Variants in COMMD10 observed in about 807,000 individuals in gnomAD.
COMMD10 encodes COMM domain-containing protein 10.
In COMMD10, 33 loss-of-function variants were observed where a neutral mutation model predicts 28.9. The observed-to-expected ratio is 1.14, with a 90% CI of 0.87 to 1.53. COMMD10 has a LOEUF of 1.53. Ranked by LOEUF, COMMD10 falls within the 40% of genes most tolerant of loss-of-function variation. The probability of loss-of-function intolerance (pLI) is 0.00; values close to 1 mark genes in which losing one functional copy is unlikely to be tolerated. For synonymous variants in COMMD10, 110 were observed against 81.7 expected, an observed-to-expected ratio of 1.35 and a Z score of -1.87; for missense variants, 310 against 233.4, an observed-to-expected ratio of 1.33 and a Z score of -2.14.
chr5:116,249,071 T>C (rs186663294), intron 5 of COMMD10, among the ~76,000 whole-genome samples: 1 of 151,998 alleles, frequency 6.6e-6, no homozygotes, highest in Admixed American at 6.6e-5. Context: ...AAGAAAAATA[T>C]ATTCACATCA....
intron 5 of COMMD10, among the ~76,000 whole-genome samples, chr5:116,164,283 T>C (rs1469533662): frequency 6.6e-6 from 1 of 151,812 alleles, no homozygotes; most frequent in East Asian, 1.9e-4. Flanking sequence ...ATTGGGCCAC[T>C]GCACTCCAGC....
At chr5:116,255,859 T>C (rs2112679493) in intron 5 of COMMD10, 1 of 151,528 alleles carries the variant, frequency 6.6e-6, no homozygotes, top group East Asian at 2.0e-4. Flanking sequence ...TAAGAAATGT[T>C]AGTCTCATTA....
At chr5:116,237,715 T>G (rs1048834041) in intron 5 of COMMD10, among the ~76,000 whole-genome samples, 1 of 152,182 alleles carries the variant, frequency 6.6e-6, no homozygotes, top group Non-Finnish European at 1.5e-5. Flanking sequence ...AGGTATTATC[T>G]TTAATCTGCT....
At chr5:116,206,650 C>G (rs534955835) in intron 5 of COMMD10, among the ~76,000 whole-genome samples, 30 of 151,250 alleles carry the variant, frequency 2.0e-4, no homozygotes, top group African/African-American at 7.3e-4. Flanking sequence ...GAAACTCCAT[C>G]TCAAAAAAAG....
At chr5:116,237,996 G>C (rs892730468) in intron 5 of COMMD10, among the ~76,000 whole-genome samples, 4 of 152,126 alleles carry the variant, frequency 2.6e-5, no homozygotes, top group Non-Finnish European at 4.4e-5. Context: ...TCTGCTCCCA[G>C]AATGTTACAG....
chr5:116,275,960 A>ATG (rs1750899807), intron 5 of COMMD10, among the ~76,000 whole-genome samples: 1 of 150,306 alleles, frequency 6.7e-6, no homozygotes, highest in Non-Finnish European at 1.5e-5. Context: ...AAAAAAATGT[A>ATG]TATATATATA....
chr5:116,251,004 T>C (rs1225018828), intron 5 of COMMD10, among the ~76,000 whole-genome samples: 1 of 152,100 alleles, frequency 6.6e-6, no homozygotes, highest in East Asian at 1.9e-4. Context: ...TACCAGTTCC[T>C]GCCTTAAGTG....
At position 116,129,241 on chromosome 5, in the gene COMMD10, T is replaced by A. The variant is rs142936394; in HGVS notation, c.400-4827T>A. 2.0e-3 allele frequency among the ~76,000 whole-genome samples: 296 copies of A among 151,114 alleles called. 2 individuals carry two copies. The highest frequency in any genetic ancestry group is 6.8e-3 in the African/African-American group (280 of 41,338). On this transcript the variant is annotated intron_variant, in intron 4 of 6. Coordinates refer to ENST00000274458, the MANE Select transcript of COMMD10 (RefSeq NM_016144.4). ...ATTCTTTATCCTGATTCACCAATTG[T>A]TTACATTTGTTTTACGTTTTTAATC...
At chr5:116,280,091 C>T (rs1168668990) in intron 5 of COMMD10, among the ~76,000 whole-genome samples, 3 of 151,746 alleles carry the variant, frequency 2.0e-5, no homozygotes, top group South Asian at 2.1e-4. Context: ...GTTATTTCAC[C>T]GTTATGGGCG....
intron 4 of COMMD10, among the ~76,000 whole-genome samples, chr5:116,130,406 C>T (rs970391987): frequency 3.3e-5 from 5 of 151,734 alleles, no homozygotes; most frequent in African/African-American, 7.3e-5. Flanking sequence ...TTCTGTTATC[C>T]GGGGACTGAG....
chr5:116,146,579 G>A (rs10059969), intron 5 of COMMD10, among the ~76,000 whole-genome samples: 46,357 of 151,598 alleles, frequency 0.31, 9,590 homozygotes, highest in African/African-American at 0.6. Context: ...AATTATTTTG[G>A]CAATAAAAGG....
At chr5:116,157,286 A>G (rs1384763551) in intron 5 of COMMD10, among the ~76,000 whole-genome samples, 2 of 152,208 alleles carry the variant, frequency 1.3e-5, no homozygotes, top group Non-Finnish European at 2.9e-5. Flanking sequence ...AGCTATTGCT[A>G]ATAACATACC....
chr5:116,086,479 A>C (rs985914740), intron 1 of COMMD10, among the ~76,000 whole-genome samples: 2 of 150,640 alleles, frequency 1.3e-5, no homozygotes, highest in African/African-American at 4.9e-5. Flanking sequence ...TTTCCCTGAG[A>C]GGGCGTTTCC....
intron 5 of COMMD10, among the ~76,000 whole-genome samples, chr5:116,231,659 G>T (rs182563204): frequency 1.7e-3 from 252 of 152,124 alleles, no homozygotes; most frequent in Middle Eastern, 3.4e-3. Flanking sequence ...CAGTCTAAAG[G>T]GAAAGATAAA....
At chr5:116,159,757 A>G (rs147271192) in intron 5 of COMMD10, among the ~76,000 whole-genome samples, 109 of 152,334 alleles carry the variant, frequency 7.2e-4, no homozygotes, top group Middle Eastern at 6.8e-3. Context: ...AGAGGAAAAC[A>G]TCTTTGAATT....
chr5:116,283,965 A>T (rs1751147108), intron 5 of COMMD10, among the ~76,000 whole-genome samples: 1 of 151,650 alleles, frequency 6.6e-6, no homozygotes. Flanking sequence ...CCCTGTCTCT[A>T]CAAACAATAA....
intron 5 of COMMD10, among the ~76,000 whole-genome samples, chr5:116,171,649 TA>T (rs562802590): frequency 3.3e-5 from 5 of 152,116 alleles, no homozygotes; most frequent in Admixed American, 6.5e-5. Context: ...TATTCAGCCA[TA>T]AAAAAGGGTG....
intron 5 of COMMD10, among the ~76,000 whole-genome samples, chr5:116,287,874 G>C (rs1286151463): frequency 6.6e-6 from 1 of 151,614 alleles, no homozygotes; most frequent in Non-Finnish European, 1.5e-5. Context: ...ATTTGTTACT[G>C]ATGTTACAAA....
chr5:116,102,297 A>G (rs1750692301), intron 4 of COMMD10, among the ~76,000 whole-genome samples: 1 of 152,166 alleles, frequency 6.6e-6, no homozygotes, highest in Non-Finnish European at 1.5e-5. Context: ...TCTCAGCACC[A>G]TTTATTGAAA....
Sources: gnomAD v4.1 joint callset for allele counts (sites outside exome capture counted in the v4.1 genomes callset) on GRCh38, gnomAD v4.1.1 for gene constraint, MANE v1.5 for transcripts, NCBI Gene and HGNC (gene_info 2026-07-23, HGNC 2026-07-21) for gene names.